Variants in C19orf38 observed in about 807,000 individuals in gnomAD.
C19orf38 encodes the protein protein HIDE1.
In C19orf38, 14 loss-of-function variants were observed where a neutral mutation model predicts 26.6. The ratio of observed to expected loss-of-function variants is 0.53; its 90% CI spans 0.35 to 0.82. The LOEUF is 0.82. C19orf38 is among the 40% of genes least tolerant of loss of function. The pLI is 0.01. For missense variants in C19orf38, 261 were observed against 299.5 expected, an observed-to-expected ratio of 0.87 and a Z score of 0.95; for synonymous variants, 132 against 128.5, an observed-to-expected ratio of 1.03 and a Z score of -0.18.
chr19:10,848,742 C>T (rs1037644334), intron 1 of C19orf38, among the ~76,000 whole-genome samples: 1 of 152,122 alleles, frequency 6.6e-6, no homozygotes, highest in African/African-American at 2.4e-5. Flanking sequence ...CTCCTCATCA[C>T]CCCCAAGTTT....
rs554911060 is a variant in C19orf38, at chr19:10,860,733, C to T, written c.505+775C>T. On this transcript the variant is annotated intron_variant, in intron 5 of 6. Coordinates refer to ENST00000397820, the MANE Select transcript of C19orf38 (RefSeq NM_001136482.3). ...GCGGGTGCCTGTAGTCCCAGCTGCT[C>T]AGGAGGCTGAGGCAGGAGAATGGCG... Among the ~76,000 whole-genome samples, 231 of 144,730 alleles carry T rather than the reference C, an allele frequency of 1.6e-3. 1 individual carries two copies. Among genetic ancestry groups the T allele is most frequent in the African/African-American group, 5.3e-3 (206 of 38,730 alleles). The allele number at this position is 144,730 out of a possible 152,430, so 94.9% of individuals were successfully genotyped here. A position where few individuals can be genotyped will look rare whatever the true frequency, so the allele number is the denominator to read the frequency against.
chr19:10,869,464 G>C lies in C19orf38; in HGVS notation c.*97G>C. ...GGGCTCTGTCAGCCACTTTCTCAGG[G>C]AATTGGACAGAGGAAAGGAAGGGGA... On this transcript the variant is annotated 3_prime_UTR_variant, in exon 7 of 7. Transcript: ENST00000397820. 1 of 1,405,808 alleles carries C rather than the reference G, an allele frequency of 7.1e-7. No homozygotes were observed. The highest frequency in any genetic ancestry group is 9.4e-7 in the Non-Finnish European group (1 of 1,064,786). The allele number at this position is 1,405,808 out of a possible 1,614,324, so 87.1% of individuals were successfully genotyped here. A position where few individuals can be genotyped will look rare whatever the true frequency, so the allele number is the denominator to read the frequency against.
intron 5 of C19orf38, 76 bp from the exon 6 acceptor site, chr19:10,863,094 C>A: frequency 7.0e-7 from 1 of 1,436,826 alleles, no homozygotes; most frequent in Non-Finnish European, 9.6e-7. Flanking sequence ...GGCTGGGGGG[C>A]AGTGCGGGGA....
At chr19:10,844,993 C>CAAAAAAA (rs57500129), upstream of C19orf38, among the ~76,000 whole-genome samples, 1 of 95,806 alleles carries the variant, frequency 1.0e-5, no homozygotes, top group African/African-American at 3.9e-5. Flanking sequence ...CCTTTCTCTA[C>CAAAAAAA]AAAAAAAAAA....
In C19orf38 at chr19:10,869,643, C is replaced by A; in HGVS notation, c.*276C>A. On this transcript the variant is annotated 3_prime_UTR_variant, in exon 7 of 7. Coordinates refer to ENST00000397820, the MANE Select transcript of C19orf38 (RefSeq NM_001136482.3). ...GTCAGGACCCCTTCTTGTCCCCCAG[C>A]TGGGCCATAAGACGTCCCAGGTCTC... 2.2e-6 allele frequency: 1 copy of A among 448,440 alleles called. No homozygotes were observed. The highest frequency in any genetic ancestry group is 3.9e-6 in the Non-Finnish European group (1 of 255,924). The allele number at this position is 448,440 out of a possible 1,614,324, so 27.8% of individuals were successfully genotyped here. A position where few individuals can be genotyped will look rare whatever the true frequency, so the allele number is the denominator to read the frequency against.
At chr19:10,853,692 C>T (rs1196769519) in intron 2 of C19orf38, among the ~76,000 whole-genome samples, 6 of 147,834 alleles carry the variant, frequency 4.1e-5, no homozygotes, top group Non-Finnish European at 7.4e-5. Context: ...CGGGTTCAAG[C>T]GATTCTCCTG....
intron 1 of C19orf38, among the ~76,000 whole-genome samples, chr19:10,843,291 G>T (rs762470219): frequency 6.6e-6 from 1 of 152,236 alleles, no homozygotes; most frequent in Non-Finnish European, 1.5e-5. Context: ...CCCTGGATTT[G>T]ACTTGTAGCT....
intron 1 of C19orf38, chr19:10,842,269 T>G: frequency 8.9e-7 from 1 of 1,118,584 alleles, no homozygotes; most frequent in South Asian, 1.3e-5. Context: ...AAATACTTTT[T>G]TTTTTTTTTG....
intron 3 of C19orf38, 53 bp from the exon 4 acceptor site, chr19:10,858,263 C>A: frequency 9.3e-6 from 9 of 964,286 alleles, no homozygotes; most frequent in South Asian, 6.9e-5. Context: ...CAGAAATTGC[C>A]GGATACAATT....
chr19:10,839,337 C>T (rs949767721), intron 1 of C19orf38, among the ~76,000 whole-genome samples: 64 of 152,190 alleles, frequency 4.2e-4, no homozygotes, highest in African/African-American at 1.5e-3. Flanking sequence ...CACGTGCAAG[C>T]TTCCAGCTTC....
Position 10,850,421 on chromosome 19 carries a change from C to T in C19orf38, c.194C>T (p.Thr65Met), listed in dbSNP as rs771266093. 16 of 1,550,696 alleles carry T rather than the reference C, an allele frequency of 1.0e-5. No homozygotes were observed. The highest frequency in any genetic ancestry group is 9.8e-5 in the Admixed American group (5 of 50,888). Residue 65 changes from threonine (T) to methionine (M), a missense_variant, in exon 2 of 7, where the codon ACG becomes ATG. Transcript: ENST00000397820. ...GQVVQLLQAPTDQRGVTFNLS... is the reference protein window; with the variant it reads ...GQVVQLLQAPMDQRGVTFNLS... ...GTGGTCCAGCTCCTGCAGGCCCCCA[C>T]GGACCAGCGCGGGGTGACATTTAAC...
intron 2 of C19orf38, among the ~76,000 whole-genome samples, chr19:10,855,393 A>G (rs1418657448): frequency 6.6e-6 from 1 of 152,122 alleles, no homozygotes; most frequent in Non-Finnish European, 1.5e-5. Context: ...GCTGGAGTGC[A>G]GTAGCACGAT....
In C19orf38 at chr19:10,869,698, A is replaced by G. The variant is rs1252566093; in HGVS notation, c.*331A>G. On this transcript the variant is annotated 3_prime_UTR_variant, in exon 7 of 7. Transcript: ENST00000397820. Reference sequence around the variant, plus strand: ...CACCCGTGGAATTCCTCCCTTCCCCAGTGGGTTTTTGAGCATAGGGTGCCC... The same window carrying G: ...CACCCGTGGAATTCCTCCCTTCCCCGGTGGGTTTTTGAGCATAGGGTGCCC... 1 of 282,598 alleles carries G rather than the reference A, an allele frequency of 3.5e-6. No individual in the cohort carries two copies. Among genetic ancestry groups the G allele is most frequent in the Non-Finnish European group, 6.5e-6 (1 of 152,908 alleles). 17.5% of individuals were successfully genotyped at this position (282,598 alleles called of 1,614,324 possible). A position where few individuals can be genotyped will look rare whatever the true frequency, so the allele number is the denominator to read the frequency against.
intron 6 of C19orf38, among the ~76,000 whole-genome samples, chr19:10,864,393 C>T (rs2073731845): frequency 6.6e-6 from 1 of 151,932 alleles, no homozygotes; most frequent in Non-Finnish European, 1.5e-5. Context: ...GGGTGACAAG[C>T]AGGAGGTGGG....
chr19:10,848,948 A>G (rs973202087), intron 1 of C19orf38, among the ~76,000 whole-genome samples: 3 of 151,776 alleles, frequency 2.0e-5, no homozygotes, highest in Admixed American at 1.3e-4. Flanking sequence ...CTGGCCAGAC[A>G]CTCTGCTCAG....
chr19:10,857,358 A>ATTTT (rs1395725984), intron 3 of C19orf38, among the ~76,000 whole-genome samples: 5 of 82,478 alleles, frequency 6.1e-5, no homozygotes, highest in African/African-American at 3.8e-4. Context: ...ATATATATAT[A>ATTTT]TATATATATT....
intron 6 of C19orf38, among the ~76,000 whole-genome samples, chr19:10,863,685 G>T (rs1250848728): frequency 1.6e-5 from 2 of 123,670 alleles, no homozygotes; most frequent in Non-Finnish European, 3.6e-5. Flanking sequence ...ACTTTGGAAG[G>T]CCGAGGCGGG....
chr19:10,838,585 G>A (rs2073454994), intron 1 of C19orf38, among the ~76,000 whole-genome samples: 1 of 152,032 alleles, frequency 6.6e-6, no homozygotes, highest in South Asian at 2.1e-4. Flanking sequence ...GTAACACCCG[G>A]GGTCGTTGTC....
rs1468854842 is a variant in C19orf38, at chr19:10,869,405, C to T, written c.*38C>T. 3.9e-6 allele frequency: 6 copies of T among 1,519,004 alleles called. No individual in the cohort carries two copies. The highest frequency in any genetic ancestry group is 2.8e-5 in the African/African-American group (2 of 71,222). The allele number at this position is 1,519,004 out of a possible 1,614,324, so 94.1% of individuals were successfully genotyped here. On this transcript the variant is annotated 3_prime_UTR_variant, in exon 7 of 7. Transcript: ENST00000397820. ...GGGGACCCCTCTGTCTCCAGGCATT[C>T]GGGGGCCTGAGGTCCCTCCAGCTAC... is the stretch of plus-strand genomic sequence containing the variant.
Sources: gnomAD v4.1 joint callset for allele counts (sites outside exome capture counted in the v4.1 genomes callset) on GRCh38, gnomAD v4.1.1 for gene constraint, MANE v1.5 for transcripts, NCBI Gene and HGNC (gene_info 2026-07-23, HGNC 2026-07-21) for gene names.